The following PDE4B variants were observed in gnomAD, a reference collection of about 807,000 sequenced individuals.
PDE4B encodes the protein phosphodiesterase 4B, also known as 3',5'-cyclic-AMP phosphodiesterase 4B.
In PDE4B, 20 loss-of-function variants were observed where a neutral mutation model predicts 82.2. That is an observed-to-expected ratio of 0.24 (90% CI 0.17 to 0.35). The LOEUF is 0.35. PDE4B is among the 10% of genes least tolerant of loss of function. The pLI, the probability that PDE4B is intolerant of heterozygous loss-of-function variation, is 1.00. For synonymous variants in PDE4B, 320 were observed against 318.9 expected (o/e 1.00, Z -0.04); for missense variants, 655 against 907.2 (o/e 0.72, Z 3.57).
intron 3 of PDE4B, among the ~76,000 whole-genome samples, chr1:66,046,435 G>A (rs1209276079): frequency 6.6e-6 from 1 of 151,746 alleles, no homozygotes; most frequent in Non-Finnish European, 1.5e-5. Flanking sequence ...TATTTCTTCA[G>A]TTCAACTTTC....
chr1:66,054,000 G>A (rs1171065526), intron 3 of PDE4B, among the ~76,000 whole-genome samples: 1 of 152,144 alleles, frequency 6.6e-6, no homozygotes, highest in African/African-American at 2.4e-5. Flanking sequence ...CAGGTAAGTG[G>A]AACAGTTGGT....
chr1:65,997,785 C>T (rs1651634254), intron 3 of PDE4B, among the ~76,000 whole-genome samples: 1 of 152,184 alleles, frequency 6.6e-6, no homozygotes, highest in African/African-American at 2.4e-5. Flanking sequence ...AACTCCTATA[C>T]TAGCTGGAAG....
At chr1:66,162,296 T>G (rs974547713) in intron 3 of PDE4B, among the ~76,000 whole-genome samples, 1 of 139,878 alleles carries the variant, frequency 7.1e-6, no homozygotes, top group Non-Finnish European at 1.5e-5. Context: ...GTAAGGTTCA[T>G]GGACTTCTCT....
At chr1:66,269,073 A>G (rs1557669617) in intron 7 of PDE4B, among the ~76,000 whole-genome samples, 1 of 152,274 alleles carries the variant, frequency 6.6e-6, no homozygotes, top group Non-Finnish European at 1.5e-5. Context: ...TAAAATACAT[A>G]TAAAATAAAC....
At chr1:65,980,749 G>GA in intron 3 of PDE4B, among the ~76,000 whole-genome samples, 1 of 152,254 alleles carries the variant, frequency 6.6e-6, no homozygotes, top group Non-Finnish European at 1.5e-5. Flanking sequence ...GACACAGATA[G>GA]AAAGGAGGAC....
At chr1:66,066,808 T>C (rs1233354578) in intron 3 of PDE4B, among the ~76,000 whole-genome samples, 1 of 152,008 alleles carries the variant, frequency 6.6e-6, no homozygotes, top group African/African-American at 2.4e-5. Context: ...AATATGAATC[T>C]TGGCTCAGAC....
intron 1 of PDE4B, among the ~76,000 whole-genome samples, chr1:65,824,752 G>A (rs1430287853): frequency 6.6e-6 from 1 of 151,964 alleles, no homozygotes; most frequent in Non-Finnish European, 1.5e-5. Flanking sequence ...TTCATTTACA[G>A]CAAGCCCTTC....
intron 6 of PDE4B, among the ~76,000 whole-genome samples, chr1:66,263,597 G>A (rs1654837329): frequency 6.6e-6 from 1 of 152,112 alleles, no homozygotes; most frequent in South Asian, 2.1e-4. Context: ...GATCAGAACT[G>A]GATCCTGCCA....
chr1:66,279,326 G>A (rs1354021908), intron 7 of PDE4B, among the ~76,000 whole-genome samples: 1 of 152,162 alleles, frequency 6.6e-6, no homozygotes, highest in Non-Finnish European at 1.5e-5. Flanking sequence ...CCAAGAGGAA[G>A]GAGGAGTACT....
chr1:65,867,203 G>A lies in PDE4B; in HGVS notation c.-70-46042G>A, dbSNP rs563733962. Among the ~76,000 whole-genome samples the A allele has an allele frequency of 9.9e-5, 15 of 152,108 alleles. No individual in the cohort carries two copies. The South Asian group carries it at 3.1e-3, about 32-fold the overall frequency. Reference sequence around the variant, plus strand: ...AATAAAAATTTTAAAAGCCCCTTAGGAACACAAAGGGACATTTAAATGAGA... The same window carrying A: ...AATAAAAATTTTAAAAGCCCCTTAGAAACACAAAGGGACATTTAAATGAGA... On this transcript the variant is annotated intron_variant, in intron 1 of 16. Transcript: ENST00000341517.
intron 3 of PDE4B, among the ~76,000 whole-genome samples, chr1:65,981,219 C>T (rs1650669424): frequency 2.0e-5 from 3 of 152,036 alleles, no homozygotes; most frequent in African/African-American, 7.2e-5. Context: ...ACACAAGAGA[C>T]AAATAAATTC....
chr1:66,161,876 A>T (rs1433425780), intron 3 of PDE4B, among the ~76,000 whole-genome samples: 1 of 152,214 alleles, frequency 6.6e-6, no homozygotes. Flanking sequence ...TTGAAATCTC[A>T]AATTCACCTA....
In PDE4B at chr1:65,913,949, G is replaced by A. The variant is rs150261746; in HGVS notation, c.42+593G>A. On this transcript the variant is annotated intron_variant, in intron 2 of 16. Transcript: ENST00000341517. ...GGTATGTACTTTGTTTGAAAGCCCC[G>A]ATCTAAATCATCTGAAGAAATCTGT... Among the ~76,000 whole-genome samples, 969 of 152,200 alleles carry A rather than the reference G, an allele frequency of 6.4e-3. 12 individuals are homozygous for A. Among genetic ancestry groups the A allele is most frequent in the African/African-American group, 0.021 (879 of 41,530 alleles).
chr1:66,045,204 A>G (rs1200106453), intron 3 of PDE4B, among the ~76,000 whole-genome samples: 2 of 151,216 alleles, frequency 1.3e-5, no homozygotes, highest in African/African-American at 2.4e-5. Flanking sequence ...CTGCTGAAGT[A>G]AGCATTCTCC....
At chr1:65,910,222 C>G (rs1033587970) in intron 1 of PDE4B, among the ~76,000 whole-genome samples, 7 of 152,202 alleles carry the variant, frequency 4.6e-5, no homozygotes, top group Admixed American at 2.6e-4. Context: ...TTAGCCTAAA[C>G]AAAAGGCAGC....
chr1:66,197,125 G>A (rs1648385145), intron 3 of PDE4B, among the ~76,000 whole-genome samples: 1 of 152,050 alleles, frequency 6.6e-6, no homozygotes, highest in African/African-American at 2.4e-5. Context: ...AGTCCCTCTT[G>A]AAATTACCAA....
At chr1:66,240,591 G>C (rs1652815930) in intron 3 of PDE4B, among the ~76,000 whole-genome samples, 1 of 152,034 alleles carries the variant, frequency 6.6e-6, no homozygotes, top group Non-Finnish European at 1.5e-5. Flanking sequence ...TTTTCTTCAT[G>C]GTATTTCTCA....
chr1:65,968,130 G>A lies in PDE4B; in HGVS notation c.281+49295G>A, dbSNP rs113007590. Among the ~76,000 whole-genome samples the A allele has an allele frequency of 1.3e-3, 200 of 152,146 alleles. 2 individuals carry two copies. Among genetic ancestry groups the A allele is most frequent in the African/African-American group, 4.5e-3 (186 of 41,536 alleles). On this transcript the variant is annotated intron_variant, in intron 3 of 16. Transcript: ENST00000341517. ...TGACATAATAGAAAGACTATGGACC[G>A]AGAAACCAATACTCAGACCAGCTGC...
intron 3 of PDE4B, among the ~76,000 whole-genome samples, chr1:65,932,851 T>C (rs1310611098): frequency 1.3e-5 from 2 of 152,024 alleles, no homozygotes; most frequent in Middle Eastern, 3.2e-3. Context: ...GAAGAAAAGA[T>C]AAGCACACTT....
Sources: gnomAD v4.1 joint callset for allele counts (sites outside exome capture counted in the v4.1 genomes callset) on GRCh38, gnomAD v4.1.1 for gene constraint, MANE v1.5 for transcripts, NCBI Gene and HGNC (gene_info 2026-07-23, HGNC 2026-07-21) for gene names.